The following LSAMP variants were observed in gnomAD, a reference collection of about 807,000 sequenced individuals.
The protein encoded by LSAMP is limbic system-associated membrane protein.
In LSAMP, 7 loss-of-function variants were observed where a neutral mutation model predicts 38.6. The observed-to-expected ratio is 0.18, with a 90% CI of 0.10 to 0.34. The LOEUF (loss-of-function observed/expected upper bound fraction) is 0.34, where lower values mean the gene tolerates loss of function less well. Ranked by LOEUF, LSAMP falls within the 10% of genes least tolerant of loss-of-function variation. The pLI is 1.00. For synonymous variants in LSAMP, 154 were observed against 166.8 expected (o/e 0.92, Z 0.59); for missense variants, 313 against 420.0 (o/e 0.75, Z 2.23).
chr3:116,023,314 G>C (rs1940689553), intron 2 of LSAMP, among the ~76,000 whole-genome samples: 1 of 152,014 alleles, frequency 6.6e-6, no homozygotes, highest in African/African-American at 2.4e-5. Context: ...AATGGTTTCG[G>C]CCAGGTACGG....
intron 1 of LSAMP, among the ~76,000 whole-genome samples, chr3:116,410,673 A>C (rs1051823105): frequency 6.6e-6 from 1 of 152,044 alleles, no homozygotes; most frequent in African/African-American, 2.4e-5. Context: ...ATGAAACTCT[A>C]TGATGCTTCC....
intron 3 of LSAMP, among the ~76,000 whole-genome samples, chr3:115,976,056 T>C (rs539771517): frequency 6.7e-4 from 102 of 152,314 alleles, no homozygotes; most frequent in African/African-American, 2.4e-3. Context: ...TCCATTTTCT[T>C]TGACACCACT....
intron 2 of LSAMP, among the ~76,000 whole-genome samples, chr3:116,027,968 T>G (rs9289038): frequency 0.24 from 35,780 of 152,094 alleles, 4,335 homozygotes; most frequent in Admixed American, 0.27. Context: ...TATACACTAC[T>G]GTGTATGTGG....
intron 3 of LSAMP, among the ~76,000 whole-genome samples, chr3:115,934,853 G>C (rs558109963): frequency 6.6e-6 from 1 of 152,226 alleles, no homozygotes; most frequent in East Asian, 1.9e-4. Flanking sequence ...TTACATCTAG[G>C]AAATGTTATG....
intron 4 of LSAMP, 151 bp from the exon 5 acceptor site, chr3:115,842,729 A>C: frequency 2.1e-5 from 18 of 869,134 alleles, no homozygotes; most frequent in Non-Finnish European, 2.7e-5. Flanking sequence ...TGATCAGCTC[A>C]ATGGGGTTGA....
At chr3:115,811,629 A>T (rs1358167877) in intron 6 of LSAMP, among the ~76,000 whole-genome samples, 1 of 152,034 alleles carries the variant, frequency 6.6e-6, no homozygotes, top group Non-Finnish European at 1.5e-5. Context: ...ATCCCCTGGT[A>T]TGTGAATTTT....
At position 116,113,420 on chromosome 3, in the gene LSAMP, A is replaced by ATTTTTTT. The variant is rs374608044; in HGVS notation, c.156-26871_156-26865dup. ...TTGCCCTATATATATATATATATAT[A>ATTTTTTT]TTTTTTTTTTTTTTTTTTTTTTTGA... On this transcript the variant is annotated intron_variant, in intron 1 of 6. Transcript: ENST00000490035. 1.9e-3 allele frequency among the ~76,000 whole-genome samples: 99 copies of ATTTTTTT among 51,034 alleles called. 5 individuals are homozygous for ATTTTTTT. Among genetic ancestry groups the ATTTTTTT allele is most frequent in the African/African-American group, 6.0e-3 (63 of 10,436 alleles). 33.5% of individuals were successfully genotyped at this position (51,034 alleles called of 152,430 possible).
intron 1 of LSAMP, among the ~76,000 whole-genome samples, chr3:116,251,296 A>T (rs2107648707): frequency 6.6e-6 from 1 of 152,310 alleles, no homozygotes; most frequent in East Asian, 1.9e-4. Flanking sequence ...GAAATCTGGA[A>T]TTCCTAATTC....
chr3:115,818,935 G>A (rs1236498605), intron 6 of LSAMP, among the ~76,000 whole-genome samples: 1 of 144,966 alleles, frequency 6.9e-6, no homozygotes, highest in African/African-American at 2.5e-5. Context: ...TGAGGAAGGT[G>A]GATCACCTGA....
chr3:116,110,985 C>A (rs978166565), intron 1 of LSAMP, among the ~76,000 whole-genome samples: 1 of 150,040 alleles, frequency 6.7e-6, no homozygotes, highest in African/African-American at 2.5e-5. Flanking sequence ...CTCTGGTGGG[C>A]AGGGGCGGGG....
intron 1 of LSAMP, among the ~76,000 whole-genome samples, chr3:116,131,022 G>A (rs562455674): frequency 9.2e-6 from 1 of 109,234 alleles, no homozygotes; most frequent in Non-Finnish European, 1.7e-5. Flanking sequence ...ACGGAGTCTT[G>A]ATCTGTCGCC....
At chr3:115,837,331 G>T (rs1934822944) in intron 6 of LSAMP, among the ~76,000 whole-genome samples, 1 of 150,800 alleles carries the variant, frequency 6.6e-6, no homozygotes, top group African/African-American at 2.5e-5. Flanking sequence ...GTACTCAAAA[G>T]CCTCAAAAGA....
intron 2 of LSAMP, among the ~76,000 whole-genome samples, chr3:116,076,411 C>A (rs1001821423): frequency 6.6e-6 from 1 of 152,104 alleles, no homozygotes; most frequent in Non-Finnish European, 1.5e-5. Context: ...GAGCCCGCCA[C>A]CACGCCCAGC....
intron 1 of LSAMP, among the ~76,000 whole-genome samples, chr3:116,165,913 C>A (rs1178179453): frequency 6.6e-6 from 1 of 152,174 alleles, no homozygotes; most frequent in Non-Finnish European, 1.5e-5. Context: ...TATCCTGATC[C>A]CTTTAGCTCT....
chr3:115,906,364 G>C (rs527786290), intron 3 of LSAMP, among the ~76,000 whole-genome samples: 31 of 152,166 alleles, frequency 2.0e-4, no homozygotes, highest in Non-Finnish European at 3.7e-4. Context: ...TGTAAGTCCT[G>C]GGAAAAATAA....
At position 116,079,154 on chromosome 3, in the gene LSAMP, G is replaced by A. The variant is rs139807931; in HGVS notation, c.388+7170C>T. 1.0e-3 allele frequency among the ~76,000 whole-genome samples: 155 copies of A among 152,022 alleles called. 2 individuals are homozygous for A. The highest frequency in any genetic ancestry group is 0.01 in the East Asian group (52 of 5,184). ...AATAAGAAACTTTTTATCATTATCC[G>A]CAATATTTTTATTTACTTCCTCAAT... On this transcript the variant is annotated intron_variant, in intron 2 of 6. Coordinates refer to ENST00000490035, the MANE Select transcript of LSAMP (RefSeq NM_002338.5).
chr3:116,367,905 C>T (rs1329910194), intron 1 of LSAMP: 4 of 152,094 alleles, frequency 2.6e-5, no homozygotes, highest in East Asian at 1.9e-4. Context: ...GACACAACTG[C>T]TTCTCTTATA....
chr3:116,127,910 T>C (rs1294872957), intron 1 of LSAMP, among the ~76,000 whole-genome samples: 3 of 152,118 alleles, frequency 2.0e-5, no homozygotes, highest in African/African-American at 4.8e-5. Context: ...TCACACTGCT[T>C]AGCATTTCTA....
intron 6 of LSAMP, among the ~76,000 whole-genome samples, chr3:115,820,516 G>A (rs1375075683): frequency 6.6e-6 from 1 of 152,144 alleles, no homozygotes; most frequent in Non-Finnish European, 1.5e-5. Context: ...ATTAGGAAAG[G>A]CAAGTGCCTC....
Sources: allele counts gnomAD v4.1 joint callset (sites outside exome capture counted in the v4.1 genomes callset), GRCh38; gene constraint gnomAD v4.1.1; transcripts MANE v1.5; gene names NCBI Gene and HGNC (gene_info 2026-07-23, HGNC 2026-07-21).